The following AQR variants were observed in gnomAD, a reference collection of about 807,000 sequenced individuals.
The protein encoded by AQR is aquarius intron-binding spliceosomal factor.
In AQR, 61 loss-of-function variants were observed where a neutral mutation model predicts 180.5. The ratio of observed to expected loss-of-function variants is 0.34; its 90% CI spans 0.28 to 0.42. The LOEUF is 0.42. AQR is among the 10% of genes least tolerant of loss of function. AQR has a pLI of 1.00. For missense variants in AQR, 1,281 were observed against 1,798.3 expected (o/e 0.71, Z 5.20); for synonymous variants, 551 against 588.8 (o/e 0.94, Z 0.93).
At chr15:34,864,594 T>C (rs8035082) in intron 32 of AQR, among the ~76,000 whole-genome samples, 4,113 of 152,236 alleles carry the variant, frequency 0.027, 198 homozygotes, top group African/African-American at 0.093. Flanking sequence ...AATAAAATTA[T>C]AGTGGAATTT....
At chr15:34,961,949 G>A (rs1448003938) in intron 2 of AQR, among the ~76,000 whole-genome samples, 3 of 150,142 alleles carry the variant, frequency 2.0e-5, no homozygotes, top group Non-Finnish European at 4.4e-5. Context: ...ATTAATAATA[G>A]TAAAAAAAAA....
intron 6 of AQR, among the ~76,000 whole-genome samples, chr15:34,943,864 GACTA>G (rs1210158642): frequency 6.6e-6 from 1 of 152,128 alleles, no homozygotes; most frequent in Non-Finnish European, 1.5e-5. Context: ...CTCTCCTGTT[GACTA>G]ACCAGCCTAT....
In AQR at chr15:34,884,531, C is replaced by A; in HGVS notation, c.3021G>T (p.Gln1007His). The A allele has an allele frequency of 3.8e-6, 6 of 1,584,058 alleles. 1 individual carries two copies. The South Asian group carries it at 7.0e-5, about 19-fold the overall frequency. Residue 1007 changes from glutamine (Q) to histidine (H), a missense_variant, in exon 26 of 35, where the codon CAG becomes CAT. By Grantham distance (24) the Gln-to-His change is conservative (BLOSUM62 0). Around this residue, in one of 9 missense-constraint regions of AQR, gnomAD observed 125 missense variants for 185.0 expected, o/e 0.68. Transcript: ENST00000156471. ...CFRHIKKIFT[Q>H]LEEFRASELL... ...AGAACTTGAGAATCCTTACCTCAAG[C>A]TGCGTAAAGATTTTCTTAATATGCC...
At chr15:34,905,532 C>A (rs1893398129) in intron 18 of AQR, among the ~76,000 whole-genome samples, 1 of 151,946 alleles carries the variant, frequency 6.6e-6, no homozygotes, top group African/African-American at 2.4e-5. Flanking sequence ...GTTTAGCATC[C>A]TTGGCTCACA....
chr15:34,885,121 G>C (rs773783671), intron 25 of AQR, among the ~76,000 whole-genome samples: 3 of 152,060 alleles, frequency 2.0e-5, no homozygotes, highest in Non-Finnish European at 4.4e-5. Context: ...TTTCATCTCT[G>C]TTTCTCTCCA....
At chr15:34,905,647 T>A (rs1430188818) in intron 18 of AQR, among the ~76,000 whole-genome samples, 1 of 150,428 alleles carries the variant, frequency 6.6e-6, no homozygotes, top group Non-Finnish European at 1.5e-5. Flanking sequence ...TGTTCCCAAT[T>A]AAGAACCACC....
At chr15:34,919,421 C>A (rs1053032555) in intron 14 of AQR, among the ~76,000 whole-genome samples, 13 of 151,866 alleles carry the variant, frequency 8.6e-5, no homozygotes, top group Admixed American at 7.9e-4. Flanking sequence ...GTAGAAGAAT[C>A]CAAAGCCTGG....
chr15:34,950,490 T>C (rs1359637616), intron 4 of AQR, among the ~76,000 whole-genome samples: 1 of 152,042 alleles, frequency 6.6e-6, no homozygotes, highest in Non-Finnish European at 1.5e-5. Flanking sequence ...GCGTCTAACA[T>C]GTTATTTATT....
chr15:34,904,262 A>G (rs1378276577), intron 19 of AQR, 74 bp downstream of exon 19: 28 of 1,104,434 alleles, frequency 2.5e-5, no homozygotes, highest in South Asian at 5.0e-5. Context: ...CTCTAACCAA[A>G]TATCTCTGTA....
In AQR at chr15:34,856,934, G is replaced by A. The variant is rs375985364; in HGVS notation, c.4316C>T (p.Pro1439Leu). ...ETPAFQTDTT[P>L]SETGATSTPE... Reference sequence around the variant, plus strand: ...AGTGGAAGTGGCTCCTGTCTCACTGGGGGTGGTGTCAGTTTGAAAGGCTGG... The same window carrying A: ...AGTGGAAGTGGCTCCTGTCTCACTGAGGGTGGTGTCAGTTTGAAAGGCTGG... Residue 1439 changes from proline to leucine, a missense_variant, in exon 35 of 35, where the codon CCC becomes CTC. Around this residue, in one of 9 missense-constraint regions of AQR, gnomAD observed 182 missense variants for 185.3 expected, o/e 0.98. Transcript: ENST00000156471. 4.5e-5 allele frequency: 72 copies of A among 1,614,062 alleles called. No homozygotes were observed. The South Asian group carries it at 7.4e-4, about 16-fold the overall frequency.
chr15:34,857,972 T>C (rs1184879262), intron 34 of AQR, among the ~76,000 whole-genome samples: 1 of 152,070 alleles, frequency 6.6e-6, no homozygotes, highest in Non-Finnish European at 1.5e-5. Flanking sequence ...ATTGAATGAA[T>C]GAATTGATTG....
chr15:34,967,190 G>A (rs1010022511), intron 1 of AQR, among the ~76,000 whole-genome samples: 13 of 146,774 alleles, frequency 8.9e-5, no homozygotes, highest in African/African-American at 3.0e-4. Flanking sequence ...CACCGCACCC[G>A]GCCCACCCTG....
At chr15:34,944,605 C>T (rs1011768293) in intron 5 of AQR, among the ~76,000 whole-genome samples, 177 bp from the exon 6 acceptor site, 2 of 152,154 alleles carry the variant, frequency 1.3e-5, no homozygotes, top group African/African-American at 4.8e-5. Flanking sequence ...AAGTCAAATA[C>T]AGGTTTCTGA....
intron 10 of AQR, among the ~76,000 whole-genome samples, chr15:34,932,787 T>C (rs1318964317): frequency 6.6e-6 from 1 of 152,004 alleles, no homozygotes; most frequent in African/African-American, 2.4e-5. Flanking sequence ...AAACCCTATC[T>C]CTACTAAGAA....
chr15:34,937,913 T>C (rs997308742), intron 9 of AQR, among the ~76,000 whole-genome samples: 1 of 149,958 alleles, frequency 6.7e-6, no homozygotes. Flanking sequence ...TAAACAATTA[T>C]ATTTTAATTA....
chr15:34,934,318 T>C (rs1212339532), intron 10 of AQR, among the ~76,000 whole-genome samples: 1 of 148,340 alleles, frequency 6.7e-6, no homozygotes, highest in East Asian at 1.9e-4. Flanking sequence ...CCAATATGTA[T>C]TGTATTATTA....
chr15:34,932,586 G>A (rs1053475812), intron 10 of AQR, 152 bp from the exon 11 acceptor site: 28 of 504,586 alleles, frequency 5.5e-5, no homozygotes, highest in Non-Finnish European at 8.0e-5. Flanking sequence ...AAGAGGTCCC[G>A]TTCATGCTGT....
chr15:34,916,582 G>A (rs1045769313), intron 15 of AQR, among the ~76,000 whole-genome samples: 1 of 151,808 alleles, frequency 6.6e-6, no homozygotes, highest in Non-Finnish European at 1.5e-5. Flanking sequence ...CAACTAAAAT[G>A]TCACCACTTT....
intron 12 of AQR, 33 bp downstream of exon 12, chr15:34,930,225 G>T: frequency 7.5e-7 from 1 of 1,340,082 alleles, no homozygotes; most frequent in Non-Finnish European, 1.1e-6. Flanking sequence ...AAACCTTATG[G>T]AGCATACACA....
Sources: allele counts gnomAD v4.1 joint callset (sites outside exome capture counted in the v4.1 genomes callset), GRCh38; gene constraint gnomAD v4.1.1; regional missense constraint gnomAD v4.1.1; transcripts MANE v1.5; gene names NCBI Gene and HGNC (gene_info 2026-07-23, HGNC 2026-07-21).